The following CCSER1 variants were observed in gnomAD, a reference collection of about 807,000 sequenced individuals.
The protein encoded by CCSER1 is serine-rich coiled-coil domain-containing protein 1.
Under a neutral mutation model 82.0 loss-of-function variants are expected in CCSER1, and 41 were observed. The observed-to-expected ratio is 0.50, with a 90% CI of 0.39 to 0.65. CCSER1 has a LOEUF of 0.65. CCSER1 is among the 30% of genes least tolerant of loss of function. The pLI is 0.00. For synonymous variants in CCSER1, 414 were observed against 383.9 expected, an observed-to-expected ratio of 1.08 and a Z score of -0.92; for missense variants, 1,119 against 1,064.2, an observed-to-expected ratio of 1.05 and a Z score of -0.72.
intron 1 of CCSER1, among the ~76,000 whole-genome samples, chr4:90,189,566 A>T (rs1735239865): frequency 6.6e-6 from 1 of 151,884 alleles, no homozygotes; most frequent in African/African-American, 2.4e-5. Flanking sequence ...ATGTATGTAT[A>T]TATACATATA....
At chr4:90,997,016 A>G (rs1019357638) in intron 9 of CCSER1, among the ~76,000 whole-genome samples, 13 of 152,174 alleles carry the variant, frequency 8.5e-5, no homozygotes, top group Non-Finnish European at 1.9e-4. Flanking sequence ...TAAATACCCA[A>G]GAATACAATT....
chr4:90,622,319 T>C (rs1722465463), intron 5 of CCSER1, among the ~76,000 whole-genome samples: 1 of 152,190 alleles, frequency 6.6e-6, no homozygotes, highest in African/African-American at 2.4e-5. Context: ...GTGCACAACG[T>C]GCAGGTTTGT....
At chr4:90,480,645 C>T (rs1765796194) in intron 5 of CCSER1, among the ~76,000 whole-genome samples, 1 of 152,162 alleles carries the variant, frequency 6.6e-6, no homozygotes, top group Admixed American at 6.5e-5. Context: ...ATCCTTTCCC[C>T]ATTGCTTGTT....
intron 5 of CCSER1, among the ~76,000 whole-genome samples, chr4:90,617,728 G>A (rs1349766614): frequency 6.6e-6 from 1 of 152,156 alleles, no homozygotes; most frequent in Non-Finnish European, 1.5e-5. Context: ...ATAATGGAAA[G>A]TAATTCAGCT....
intron 3 of CCSER1, among the ~76,000 whole-genome samples, chr4:90,341,165 A>G (rs1352000131): frequency 6.6e-6 from 1 of 152,128 alleles, no homozygotes; most frequent in Non-Finnish European, 1.5e-5. Flanking sequence ...TTAGAAGATC[A>G]GCTGGAATGT....
At chr4:90,799,743 A>G (rs1342501293) in intron 7 of CCSER1, among the ~76,000 whole-genome samples, 1 of 152,142 alleles carries the variant, frequency 6.6e-6, no homozygotes, top group Non-Finnish European at 1.5e-5. Flanking sequence ...ATCCCTGGCA[A>G]TATTCTGTTA....
intron 6 of CCSER1, among the ~76,000 whole-genome samples, chr4:90,687,408 A>G (rs999669971): frequency 1.3e-5 from 2 of 151,164 alleles, no homozygotes; most frequent in African/African-American, 2.4e-5. Flanking sequence ...TATTTACAGG[A>G]AAAAAAAATA....
intron 10 of CCSER1, among the ~76,000 whole-genome samples, chr4:91,471,004 A>C (rs1428715080): frequency 6.6e-6 from 1 of 152,144 alleles, no homozygotes. Context: ...AACTTCATGG[A>C]CTTTCAGATT....
intron 5 of CCSER1, among the ~76,000 whole-genome samples, chr4:90,556,305 G>T (rs1778132865): frequency 6.6e-6 from 1 of 152,076 alleles, no homozygotes; most frequent in South Asian, 2.1e-4. Flanking sequence ...AACTTCCTAG[G>T]CTCATATATG....
chr4:90,939,211 G>T (rs1052204073), intron 9 of CCSER1, among the ~76,000 whole-genome samples: 1 of 151,684 alleles, frequency 6.6e-6, no homozygotes. Context: ...TTTTTCCCTC[G>T]CATCAAGACC....
In CCSER1 at chr4:90,176,253, A is replaced by G. The variant is rs1193615369; in HGVS notation, c.-42+48422A>G. On this transcript the variant is annotated intron_variant, in intron 1 of 10. Coordinates refer to ENST00000509176, the MANE Select transcript of CCSER1 (RefSeq NM_001145065.2). ...ACAGTCTTCAGAAGCACTCAGGTCA[A>G]GTGAATTCAGGAAAAAGAGTTATAA... is the stretch of plus-strand genomic sequence containing the variant. Among the ~76,000 whole-genome samples, 7 of 152,022 alleles carry G rather than the reference A, an allele frequency of 4.6e-5. No homozygotes were observed. The East Asian group carries it at 5.8e-4, about 13-fold the overall frequency.
At chr4:90,850,275 C>T (rs1003615648) in intron 8 of CCSER1, among the ~76,000 whole-genome samples, 18 of 152,152 alleles carry the variant, frequency 1.2e-4, no homozygotes, top group Non-Finnish European at 2.4e-4. Flanking sequence ...GCTCACTAGG[C>T]GATGGCCCAG....
At chr4:90,850,540 CA>C (rs1316400537) in intron 8 of CCSER1, among the ~76,000 whole-genome samples, 1 of 152,208 alleles carries the variant, frequency 6.6e-6, no homozygotes, top group Non-Finnish European at 1.5e-5. Context: ...GACATAGAGT[CA>C]AAAGAGATCA....
intron 1 of CCSER1, among the ~76,000 whole-genome samples, chr4:90,138,228 G>C (rs1724053914): frequency 1.3e-5 from 2 of 152,066 alleles, no homozygotes; most frequent in South Asian, 4.1e-4. Flanking sequence ...GTCTTGCTCT[G>C]TCACGTAGGC....
intron 7 of CCSER1, among the ~76,000 whole-genome samples, chr4:90,757,129 C>A (rs780683248): frequency 9.9e-5 from 15 of 152,030 alleles, no homozygotes; most frequent in Non-Finnish European, 1.8e-4. Flanking sequence ...ATAAGAGATT[C>A]GCAAATGACA....
In CCSER1 at chr4:90,137,752, G is replaced by A. The variant is rs141995259; in HGVS notation, c.-42+9921G>A. Among the ~76,000 whole-genome samples the A allele has an allele frequency of 8.8e-3, 1,334 of 152,328 alleles. 9 individuals carry two copies. Among genetic ancestry groups the A allele is most frequent in the South Asian group, 0.041 (196 of 4,828 alleles). On this transcript the variant is annotated intron_variant, in intron 1 of 10. Transcript: ENST00000509176. The stretch of plus-strand genomic sequence containing the variant: ...CGCAGAGGAGCTATCCAGGGTACTA[G>A]ATCTTGCTGACCTCTCTTGCAAAAA...
chr4:91,597,826 A>G (rs1212340408), intron 10 of CCSER1, among the ~76,000 whole-genome samples: 2 of 152,100 alleles, frequency 1.3e-5, no homozygotes, highest in African/African-American at 2.4e-5. Context: ...GTTTTTCTAC[A>G]CAAACATAGT....
intron 1 of CCSER1, among the ~76,000 whole-genome samples, chr4:90,194,806 T>A (rs999904326): frequency 6.6e-6 from 1 of 151,844 alleles, no homozygotes; most frequent in Non-Finnish European, 1.5e-5. Context: ...AAGAAGAAAT[T>A]AAAAAGAAAA....
intron 4 of CCSER1, among the ~76,000 whole-genome samples, chr4:90,406,714 C>A (rs1054401778): frequency 3.3e-5 from 5 of 152,072 alleles, no homozygotes; most frequent in Admixed American, 2.0e-4. Flanking sequence ...TCTTCAAAAC[C>A]ATGCAAATAC....
Sources: gnomAD v4.1 joint callset for allele counts (sites outside exome capture counted in the v4.1 genomes callset) on GRCh38, gnomAD v4.1.1 for gene constraint, MANE v1.5 for transcripts, NCBI Gene and HGNC (gene_info 2026-07-23, HGNC 2026-07-21) for gene names.